MATCAP2: variants seen among roughly 807,000 people sequenced by gnomAD.
MATCAP2 encodes microtubule associated tyrosine carboxypeptidase 2, also known as putative tyrosine carboxypeptidase MATCAP2.
the MATCAP2 span, chr7:36,366,922 C>T: frequency 2.1e-6 from 3 of 1,438,100 alleles, no homozygotes; most frequent in Admixed American, 3.1e-5. Flanking sequence ...TCACCCGTCA[C>T]GCGAATGGAC....
chr7:36,327,919 G>A, the MATCAP2 span, among the ~76,000 whole-genome samples: 2 of 152,212 alleles, frequency 1.3e-5, no homozygotes, highest in East Asian at 3.9e-4. Context: ...ATAATGATTT[G>A]TGATTTGTAT....
chr7:36,353,038 G>A, the MATCAP2 span, among the ~76,000 whole-genome samples: 1 of 152,094 alleles, frequency 6.6e-6, no homozygotes, highest in African/African-American at 2.4e-5. Context: ...ACTTTGGGAG[G>A]CCAAAGCCAG....
the MATCAP2 span, among the ~76,000 whole-genome samples, chr7:36,382,592 A>G: frequency 6.6e-6 from 1 of 151,956 alleles, no homozygotes; most frequent in Non-Finnish European, 1.5e-5. Context: ...TCCCGGGTTC[A>G]CACCATTCTC....
chr7:36,330,921 T>C, the MATCAP2 span: 74 of 963,102 alleles, frequency 7.7e-5, no homozygotes, highest in Non-Finnish European at 1.1e-4. Context: ...AATGCTAAGC[T>C]TGAGTGAGGG....
the MATCAP2 span, among the ~76,000 whole-genome samples, chr7:36,332,453 T>C: frequency 2.6e-5 from 4 of 152,306 alleles, no homozygotes; most frequent in African/African-American, 9.6e-5. Flanking sequence ...TATGCACACA[T>C]GAAAGACAGG....
the MATCAP2 span, among the ~76,000 whole-genome samples, chr7:36,346,312 T>C: frequency 6.6e-6 from 1 of 152,188 alleles, no homozygotes; most frequent in African/African-American, 2.4e-5. Context: ...TGAAAACATT[T>C]GTCCATAAAA....
chr7:36,363,781 T>C, the MATCAP2 span, among the ~76,000 whole-genome samples: 5 of 152,336 alleles, frequency 3.3e-5, no homozygotes, highest in African/African-American at 1.2e-4. Flanking sequence ...GCATACTTCA[T>C]AGTATTATTG....
the MATCAP2 span, chr7:36,335,120 C>T: frequency 6.2e-7 from 1 of 1,613,886 alleles, no homozygotes; most frequent in Non-Finnish European, 8.5e-7. Context: ...AGTCGGACAT[C>T]CATTTACTAC....
At chr7:36,333,827 C>T in the MATCAP2 span, 1 of 1,531,734 alleles carries the variant, frequency 6.5e-7, no homozygotes, top group Non-Finnish European at 8.8e-7. Context: ...GTCAGTAAGT[C>T]AGAAAACCTA....
the MATCAP2 span, among the ~76,000 whole-genome samples, chr7:36,380,677 C>A: frequency 6.6e-6 from 1 of 152,222 alleles, no homozygotes; most frequent in East Asian, 1.9e-4. Flanking sequence ...AGTCTTGTTT[C>A]CTCATCTACT....
chr7:36,390,205 G>T, the MATCAP2 span: 32 of 1,164,634 alleles, frequency 2.7e-5, no homozygotes, highest in Non-Finnish European at 3.6e-5. Flanking sequence ...GCGGCCTGCT[G>T]TGGTTGGTGG....
chr7:36,368,172 G>A, the MATCAP2 span: 11 of 152,326 alleles, frequency 7.2e-5, no homozygotes, highest in Admixed American at 6.5e-4. Context: ...GATATCAAGG[G>A]AAATGAAATA....
At chr7:36,366,524 A>G in the MATCAP2 span, among the ~76,000 whole-genome samples, 1 of 152,254 alleles carries the variant, frequency 6.6e-6, no homozygotes, top group Non-Finnish European at 1.5e-5. Context: ...AATGAAATAT[A>G]CAGATGTGTT....
At chr7:36,388,321 G>T in the MATCAP2 span, among the ~76,000 whole-genome samples, 131 of 151,966 alleles carry the variant, frequency 8.6e-4, no homozygotes, top group African/African-American at 3.1e-3. Context: ...AAACCCATGG[G>T]TTAACCGATT....
At chr7:36,356,559 C>T in the MATCAP2 span, 4 of 421,386 alleles carry the variant, frequency 9.5e-6, no homozygotes, top group South Asian at 4.3e-5. Context: ...AAAACAAAAA[C>T]GTAGTGTGGG....
chr7:36,329,449 G>A, the MATCAP2 span, among the ~76,000 whole-genome samples: 4 of 152,158 alleles, frequency 2.6e-5, no homozygotes, highest in Non-Finnish European at 5.9e-5. Flanking sequence ...CTCAGCTCCT[G>A]TTTTTAAAAT....
chr7:36,349,153 T>G, the MATCAP2 span, among the ~76,000 whole-genome samples: 1 of 152,210 alleles, frequency 6.6e-6, no homozygotes, highest in African/African-American at 2.4e-5. Flanking sequence ...TCCTAAATTA[T>G]GAGGAGCCCT....
chr7:36,390,131 C>T, the MATCAP2 span: 2 of 1,600,252 alleles, frequency 1.2e-6, no homozygotes, highest in Non-Finnish European at 1.7e-6. Context: ...GGCGAACCCC[C>T]ACCGGGCGGA....
the MATCAP2 span, among the ~76,000 whole-genome samples, chr7:36,379,222 G>T: frequency 6.6e-6 from 1 of 152,174 alleles, no homozygotes; most frequent in Non-Finnish European, 1.5e-5. Context: ...TTCCTATTTG[G>T]CCATCTTGGA....
Sources: gnomAD v4.1 joint callset for allele counts (sites outside exome capture counted in the v4.1 genomes callset) on GRCh38, gnomAD v4.1.1 for gene constraint, MANE v1.5 for transcripts, NCBI Gene and HGNC (gene_info 2026-07-23, HGNC 2026-07-21) for gene names.